CSDE1: variants seen among roughly 807,000 people sequenced by gnomAD.
The protein encoded by CSDE1 is cold shock domain containing E1.
A neutral mutation model predicts 89.3 loss-of-function variants in CSDE1; 17 were observed. That is an observed-to-expected ratio of 0.19 (90% CI 0.13 to 0.29). CSDE1 has a LOEUF of 0.29. Among genes scored for constraint, CSDE1 ranks in the 10% least tolerant of loss-of-function variants. The pLI is 1.00. For missense variants in CSDE1, 672 were observed against 984.2 expected (o/e 0.68, Z 4.24); for synonymous variants, 322 against 332.8 (o/e 0.97, Z 0.35).
At chr1:114,738,286 T>G (rs187065874) in intron 3 of CSDE1, among the ~76,000 whole-genome samples, 3 of 152,194 alleles carry the variant, frequency 2.0e-5, no homozygotes, top group Non-Finnish European at 4.4e-5. Context: ...GGGGATCAAG[T>G]ATAGCAATCT....
chr1:114,749,528 GCA>G lies in CSDE1; in HGVS notation c.-1+291_-1+292del, dbSNP rs1215483275. ...CAGACCCTCATAGAAAGACTGCAAT[GCA>G]CATTCTTATTTGAAATCCTAACTTC... On this transcript the variant is annotated intron_variant, in intron 2 of 19. Coordinates refer to ENST00000358528, the MANE Select transcript of CSDE1 (RefSeq NM_001007553.3). 2.6e-5 allele frequency among the ~76,000 whole-genome samples: 4 copies of G among 152,154 alleles called. No homozygotes were observed. The East Asian group carries it at 7.7e-4, about 29-fold the overall frequency.
At chr1:114,755,568 T>A (rs1661548634) in intron 1 of CSDE1, among the ~76,000 whole-genome samples, 1 of 152,214 alleles carries the variant, frequency 6.6e-6, no homozygotes, top group Admixed American at 6.5e-5. Context: ...AACATTCTAA[T>A]ATCAAAACAA....
chr1:114,745,742 T>C (rs1660977362), intron 2 of CSDE1, among the ~76,000 whole-genome samples: 1 of 152,246 alleles, frequency 6.6e-6, no homozygotes, highest in Non-Finnish European at 1.5e-5. Flanking sequence ...GAAAAAGTCA[T>C]TGACAAAATT....
chr1:114,734,283 T>G (rs904562831), intron 7 of CSDE1, among the ~76,000 whole-genome samples, 159 bp downstream of exon 7: 1 of 152,140 alleles, frequency 6.6e-6, no homozygotes, highest in African/African-American at 2.4e-5. Flanking sequence ...AGATAATGTA[T>G]TAGCAACCAA....
Position 114,736,824 on chromosome 1 carries a change from T to C in CSDE1, c.434A>G (p.Asp145Gly). The stretch of plus-strand genomic sequence containing the variant: ...TTCCAGCTGAACGTTCCCTTCGACA[T>C]CTTCAGGGGTGTAAGTCAGATAAAA... ...EVFYLTYTPE[D>G]VEGNVQLETG... Residue 145 changes from aspartate to glycine, a missense_variant, in exon 6 of 20, where the codon GAT becomes GGT. Physicochemically the swap from Asp to Gly is moderately conservative, Grantham distance 94 (BLOSUM62 -1). Coordinates refer to ENST00000358528, the MANE Select transcript of CSDE1 (RefSeq NM_001007553.3). The C allele has an allele frequency of 6.2e-7, 1 of 1,612,876 alleles. No individual in the cohort carries two copies. Among genetic ancestry groups the C allele is most frequent in the Non-Finnish European group, 8.5e-7 (1 of 1,179,396 alleles).
At chr1:114,739,052 G>T (rs1426517540) in intron 3 of CSDE1, among the ~76,000 whole-genome samples, 4 of 148,920 alleles carry the variant, frequency 2.7e-5, no homozygotes, top group African/African-American at 9.9e-5. Flanking sequence ...TTTTTTTTGA[G>T]ACGGGGTCTC....
chr1:114,747,687 G>A (rs1441637073), intron 2 of CSDE1, among the ~76,000 whole-genome samples: 3 of 151,964 alleles, frequency 2.0e-5, no homozygotes, highest in African/African-American at 2.4e-5. Context: ...GTGAAACCCC[G>A]TCTCTACTAA....
chr1:114,741,427 G>A (rs967381137), intron 2 of CSDE1: 10 of 1,132,750 alleles, frequency 8.8e-6, no homozygotes, highest in Admixed American at 6.4e-5. Flanking sequence ...GAAGTTAGAA[G>A]GTGAGTCGGC....
At chr1:114,729,092 G>C (rs1380194810) in intron 12 of CSDE1, among the ~76,000 whole-genome samples, 2 of 151,886 alleles carry the variant, frequency 1.3e-5, no homozygotes, top group African/African-American at 4.8e-5. Flanking sequence ...TTGAAGTACA[G>C]AACAAGGTCT....
chr1:114,728,248 GT>G (rs992472693), intron 12 of CSDE1, among the ~76,000 whole-genome samples: 1 of 152,166 alleles, frequency 6.6e-6, no homozygotes, highest in Non-Finnish European at 1.5e-5. Flanking sequence ...GAGGATTTGA[GT>G]TTGGTTAAGA....
intron 2 of CSDE1, among the ~76,000 whole-genome samples, chr1:114,745,906 G>A (rs1167155790): frequency 6.6e-6 from 1 of 152,090 alleles, no homozygotes; most frequent in Non-Finnish European, 1.5e-5. Context: ...AACATCTCTG[G>A]GATTTTTTCC....
At chr1:114,723,469 T>C (rs1169324320) in intron 16 of CSDE1, among the ~76,000 whole-genome samples, 4 of 152,104 alleles carry the variant, frequency 2.6e-5, no homozygotes, top group African/African-American at 4.8e-5. Context: ...ATTATGTACA[T>C]ATGTGTAGTG....
chr1:114,720,471 A>G lies in CSDE1; in HGVS notation c.2052+68T>C, dbSNP rs1449315043. 8.8e-6 allele frequency: 12 copies of G among 1,366,816 alleles called. No homozygotes were observed. In the Admixed American group the frequency reaches 1.2e-4, roughly 14 times the overall value. The allele number at this position is 1,366,816 out of a possible 1,614,324, so 84.7% of individuals were successfully genotyped here. On this transcript the variant is annotated intron_variant, in intron 17 of 19. Coordinates refer to ENST00000358528, the MANE Select transcript of CSDE1 (RefSeq NM_001007553.3). ...GTTGATGATTTCCCCTTGGCTGAAA[A>G]TATTTGAAGGTTTTGGTTACCAACT...
intron 12 of CSDE1, among the ~76,000 whole-genome samples, chr1:114,728,130 AC>A (rs1164114202): frequency 2.0e-5 from 3 of 152,244 alleles, no homozygotes; most frequent in Non-Finnish European, 4.4e-5. Context: ...TTAATCTTGT[AC>A]AAAATCATCT....
At chr1:114,732,950 A>G (rs191734518) in intron 9 of CSDE1, 134 bp from the exon 10 acceptor site, 379 of 702,334 alleles carry the variant, frequency 5.4e-4, no homozygotes, top group African/African-American at 2.4e-3. Context: ...TGTTGACAAC[A>G]TAAGTCCAAT....
At chr1:114,753,505 C>A (rs1661416796) in intron 1 of CSDE1, among the ~76,000 whole-genome samples, 1 of 152,182 alleles carries the variant, frequency 6.6e-6, no homozygotes, top group African/African-American at 2.4e-5. Context: ...AAATAGCTAT[C>A]CACTCATGCC....
chr1:114,747,237 GTAC>G (rs1301221572), intron 2 of CSDE1, among the ~76,000 whole-genome samples: 2 of 151,808 alleles, frequency 1.3e-5, no homozygotes, highest in African/African-American at 4.8e-5. Flanking sequence ...TCCTAATTAC[GTAC>G]TATTTTTACT....
At chr1:114,733,533 A>G (rs1303339483) in intron 9 of CSDE1, among the ~76,000 whole-genome samples, 199 bp downstream of exon 9, 1 of 86,576 alleles carries the variant, frequency 1.2e-5, no homozygotes, top group Non-Finnish European at 2.9e-5. Flanking sequence ...ACAAAAAAAG[A>G]AAAAAAAAAA....
At chr1:114,734,654 C>T (rs1006882600) in intron 6 of CSDE1, 131 bp from the exon 7 acceptor site, 2 of 658,020 alleles carry the variant, frequency 3.0e-6, no homozygotes, top group Non-Finnish European at 2.6e-6. Flanking sequence ...AGAATAAATA[C>T]AGGGTTTATG....
Sources: gnomAD v4.1 joint callset for allele counts (sites outside exome capture counted in the v4.1 genomes callset) on GRCh38, gnomAD v4.1.1 for gene constraint, MANE v1.5 for transcripts, NCBI Gene and HGNC (gene_info 2026-07-23, HGNC 2026-07-21) for gene names.